The following ABCA7 variants were observed in gnomAD, a reference collection of about 807,000 sequenced individuals.
ABCA7 encodes ATP binding cassette subfamily A member 7.
In ABCA7, 261 loss-of-function variants were observed where a neutral mutation model predicts 227.6. The observed-to-expected ratio is 1.15, with a 90% CI of 1.04 to 1.27. ABCA7 has a LOEUF of 1.27. ABCA7 is among the 50% of genes most tolerant of loss of function. The probability of loss-of-function intolerance (pLI) is 0.00; values close to 1 mark genes in which losing one functional copy is unlikely to be tolerated. For synonymous variants in ABCA7, 1,488 were observed against 1,279.7 expected (o/e 1.16, Z -3.47); for missense variants, 3,331 against 2,924.5 (o/e 1.14, Z -3.21).
chr19:1,062,500 G>T (rs964666695), intron 42 of ABCA7, among the ~76,000 whole-genome samples, 187 bp downstream of exon 42: 13 of 151,936 alleles, frequency 8.6e-5, no homozygotes, highest in African/African-American at 3.1e-4. Context: ...TGGCTAGCCC[G>T]CCTCTTTGCC....
At chr19:1,061,990 C>A in intron 41 of ABCA7, 102 bp downstream of exon 41, 2 of 1,432,628 alleles carry the variant, frequency 1.4e-6, no homozygotes, top group Middle Eastern at 2.2e-4. Flanking sequence ...GCTCACTGCC[C>A]CACACCTGCA....
Position 1,041,851 on chromosome 19 carries a change from C to T in ABCA7, c.181C>T (p.Leu61=). 6.2e-7 allele frequency: 1 copy of T among 1,606,124 alleles called. No homozygotes were observed. The highest frequency in any genetic ancestry group is 8.5e-7 in the Non-Finnish European group (1 of 1,179,314). The change falls in exon 4 of 47, where the codon CTG becomes TTG. Residue 61 remains leucine, a synonymous_variant. Coordinates refer to ENST00000263094, the MANE Select transcript of ABCA7 (RefSeq NM_019112.4). ...CGCAGGCCACTTCCCAAACAAGCCACTGCCATCGGCGGGCACCGTGCCCTG... is the reference window on the plus strand; with the variant it reads ...CGCAGGCCACTTCCCAAACAAGCCATTGCCATCGGCGGGCACCGTGCCCTG... ...HHECHFPNKP[L]PSAGTVPWLQ...
rs140840476 is a variant in ABCA7 at position 1,046,312 on chromosome 19, G to A, written c.1528G>A (p.Val510Met). The change falls in exon 13 of 47, where the codon GTG becomes ATG. Residue 510 changes from valine to methionine, a missense_variant. Physicochemically the swap from Val to Met is conservative, Grantham distance 21. Transcript: ENST00000263094. ...CGGCTTCGTGTACCTGCAAGACCTG[G>A]TGGAGCGTGCAGCCGTCCGCGTGCT... ...WGGFVYLQDL[V>M]ERAAVRVLSG... 6.2e-6 allele frequency: 10 copies of A among 1,605,060 alleles called. No homozygotes were observed. The highest frequency in any genetic ancestry group is 8.5e-6 in the Non-Finnish European group (10 of 1,179,638).
chr19:1,055,445 T>C, intron 30 of ABCA7, 94 bp downstream of exon 30: 1 of 1,410,140 alleles, frequency 7.1e-7, no homozygotes, highest in Non-Finnish European at 9.3e-7. Flanking sequence ...AGTGGAGGGG[T>C]TGGATGCCCA....
At chr19:1,043,875 TC>T in intron 10 of ABCA7, 34 bp downstream of exon 10, 1 of 1,595,482 alleles carries the variant, frequency 6.3e-7, no homozygotes, top group Non-Finnish European at 8.6e-7. Flanking sequence ...GGGATGTGGC[TC>T]CCCGGTGAGG....
Position 1,058,216 on chromosome 19 carries a change from G to C in ABCA7, c.5096G>C (p.Gly1699Ala). 1.9e-6 allele frequency: 3 copies of C among 1,613,518 alleles called. No individual in the cohort carries two copies. The highest frequency in any genetic ancestry group is 2.5e-6 in the Non-Finnish European group (3 of 1,179,938). Residue 1699 changes from glycine (G) to alanine (A), a missense_variant, in exon 37 of 47, where the codon GGG becomes GCG. Coordinates refer to ENST00000263094, the MANE Select transcript of ABCA7 (RefSeq NM_019112.4). The part of the protein sequence containing the change: ...LIFPHFCLGR[G>A]LIDMVRNQAM... ...TTCCCCCACTTCTGCTTGGGCCGGGGGCTCATTGACATGGTGCGGAACCAG... is the reference window on the plus strand; with the variant it reads ...TTCCCCCACTTCTGCTTGGGCCGGGCGCTCATTGACATGGTGCGGAACCAG...
intron 1 of ABCA7, among the ~76,000 whole-genome samples, chr19:1,040,433 C>T (rs779459808): frequency 6.6e-6 from 1 of 152,176 alleles, no homozygotes; most frequent in African/African-American, 2.4e-5. Context: ...AACTCCTGCA[C>T]TCCCCCTTGC....
Position 1,063,574 on chromosome 19 carries a change from C to T in ABCA7, c.5743C>T (p.Leu1915Phe). ...TGGCTCGGGCCTGGCGCGTCTGGGACTCTCATGGTACGCAGACCGGCCTGC... is the reference window on the plus strand; with the variant it reads ...TGGCTCGGGCCTGGCGCGTCTGGGATTCTCATGGTACGCAGACCGGCCTGC... ...TAGSGLARLGLSWYADRPAGT... is the reference protein window; with the variant it reads ...TAGSGLARLGFSWYADRPAGT... The change falls in exon 43 of 47, where the codon CTC becomes TTC. Residue 1915 changes from leucine to phenylalanine, a missense_variant. Physicochemically the swap from Leu to Phe is conservative, Grantham distance 22 (BLOSUM62 0). Transcript: ENST00000263094. The T allele has an allele frequency of 6.2e-7, 1 of 1,611,090 alleles. No homozygotes were observed.
intron 25 of ABCA7, 42 bp downstream of exon 25, chr19:1,053,878 G>A: frequency 6.3e-7 from 1 of 1,598,542 alleles, no homozygotes; most frequent in Non-Finnish European, 8.5e-7. Flanking sequence ...AGTCCAGAGT[G>A]GGACCAGAGG....
chr19:1,052,155 A>G (rs750842008), intron 22 of ABCA7, 29 bp downstream of exon 22: 2 of 1,599,286 alleles, frequency 1.3e-6, no homozygotes, highest in Non-Finnish European at 1.7e-6. Context: ...CTGACCCCTG[A>G]CCCCCGGGAC....
chr19:1,050,205 T>A (rs1194966513), intron 18 of ABCA7, among the ~76,000 whole-genome samples: 1 of 149,596 alleles, frequency 6.7e-6, no homozygotes, highest in Non-Finnish European at 1.5e-5. Context: ...GAGGTCAGAG[T>A]TTGAGACACA....
Position 1,048,892 on chromosome 19 carries a change from C to T in ABCA7, c.2270-3C>T. On this transcript the variant is annotated splice_region_variant and splice_polypyrimidine_tract_variant and intron_variant, in intron 16 of 46. Coordinates refer to ENST00000263094, the MANE Select transcript of ABCA7 (RefSeq NM_019112.4). ...AAGCAATAACCCGCGCCCCTCCCCGCAGGCCAGTACGGGATCCCTGAACCA... is the reference window on the plus strand; with the variant it reads ...AAGCAATAACCCGCGCCCCTCCCCGTAGGCCAGTACGGGATCCCTGAACCA... The T allele has an allele frequency of 6.3e-7, 1 of 1,589,952 alleles. No homozygotes were observed. Among genetic ancestry groups the T allele is most frequent in the Non-Finnish European group, 8.6e-7 (1 of 1,166,424 alleles).
intron 40 of ABCA7, among the ~76,000 whole-genome samples, chr19:1,060,314 C>T (rs1276741727): frequency 2.0e-4 from 30 of 151,524 alleles, no homozygotes; most frequent in African/African-American, 6.8e-4. Flanking sequence ...CAGGTTCAAG[C>T]GATTCTCCAG....
chr19:1,059,387 C>T (rs1218697596), intron 40 of ABCA7: 2 of 151,268 alleles, frequency 1.3e-5, no homozygotes, highest in African/African-American at 4.9e-5. Context: ...GCCTCAGCCT[C>T]CCGAGTAGCT....
At chr19:1,041,200 C>T in intron 1 of ABCA7, 25 bp from the exon 2 acceptor site, 2 of 743,186 alleles carry the variant, frequency 2.7e-6, no homozygotes, top group Non-Finnish European at 4.7e-6. Flanking sequence ...TATCGAGTGA[C>T]TACTGTTTGC....
chr19:1,046,318 C>T lies in ABCA7; in HGVS notation c.1534C>T (p.Arg512Cys), dbSNP rs367592755. The T allele has an allele frequency of 6.2e-7, 1 of 1,604,104 alleles. No individual in the cohort carries two copies. Among genetic ancestry groups the T allele is most frequent in the East Asian group, 2.2e-5 (1 of 44,850 alleles). ...GFVYLQDLVE[R>C]AAVRVLSGAN... Reference sequence around the variant, plus strand: ...CGTGTACCTGCAAGACCTGGTGGAGCGTGCAGCCGTCCGCGTGCTCAGCGG... The same window carrying T: ...CGTGTACCTGCAAGACCTGGTGGAGTGTGCAGCCGTCCGCGTGCTCAGCGG... Residue 512 changes from arginine to cysteine, a missense_variant, in exon 13 of 47, where the codon CGT becomes TGT. Coordinates refer to ENST00000263094, the MANE Select transcript of ABCA7 (RefSeq NM_019112.4).
chr19:1,043,908 T>A, intron 10 of ABCA7, 67 bp downstream of exon 10: 1 of 1,364,056 alleles, frequency 7.3e-7, no homozygotes, highest in Non-Finnish European at 1.0e-6. Flanking sequence ...GCCCGGTGGA[T>A]GGGAAGGTGG....
At position 1,052,143 on chromosome 19, in the gene ABCA7, T is replaced by TCCTGAAC. The variant is rs2041700932; in HGVS notation, c.3147+22_3147+23insACCCTGA. The TCCTGAAC allele has an allele frequency of 1.2e-6, 2 of 1,611,052 alleles. No homozygotes were observed. Among genetic ancestry groups the TCCTGAAC allele is most frequent in the African/African-American group, 2.7e-5 (2 of 74,640 alleles). ...AATGAGAAGGTGGGGACCGGCCTTC[T>TCCTGAAC]CCTGACCCCTGACCCCCGGGACTCT... On this transcript the variant is annotated intron_variant, in intron 22 of 46. Coordinates refer to ENST00000263094, the MANE Select transcript of ABCA7 (RefSeq NM_019112.4).
chr19:1,053,889 C>T (rs2042006467), intron 25 of ABCA7, 53 bp downstream of exon 25: 2 of 1,594,112 alleles, frequency 1.3e-6, no homozygotes, highest in African/African-American at 2.7e-5. Flanking sequence ...GGACCAGAGG[C>T]CAGGTCCCCA....
Sources: allele counts gnomAD v4.1 joint callset (sites outside exome capture counted in the v4.1 genomes callset), GRCh38; gene constraint gnomAD v4.1.1; transcripts MANE v1.5; gene names NCBI Gene and HGNC (gene_info 2026-07-23, HGNC 2026-07-21).